Variants in USH2A observed in about 807,000 individuals in gnomAD.
USH2A encodes the protein Usher syndrome 2A (autosomal recessive, mild).
A neutral mutation model predicts 538.9 loss-of-function variants in USH2A; 443 were observed. The ratio of observed to expected loss-of-function variants is 0.82; its 90% CI spans 0.76 to 0.89. USH2A has a LOEUF of 0.89. Ranked by LOEUF, USH2A falls within the 40% of genes least tolerant of loss-of-function variation. USH2A has a pLI of 0.00. For synonymous variants in USH2A, 2,413 were observed against 2,273.5 expected (o/e 1.06, Z -1.75); for missense variants, 6,633 against 6,324.8 (o/e 1.05, Z -1.65).
intron 6 of USH2A, 96 bp from the exon 7 acceptor site, chr1:216,324,448 C>T: frequency 8.6e-7 from 1 of 1,166,584 alleles, no homozygotes; most frequent in Non-Finnish European, 1.2e-6. Flanking sequence ...TATATTGGCT[C>T]ACTTCATCAT....
rs559173625 is a variant in USH2A, at chr1:215,676,343, A to C, written c.12295-727T>G. 9.0e-3 allele frequency among the ~76,000 whole-genome samples: 1,370 copies of C among 152,296 alleles called. 26 individuals carry two copies. Among genetic ancestry groups the C allele is most frequent in the Non-Finnish European group, 1.0e-2 (678 of 68,030 alleles). The stretch of plus-strand genomic sequence containing the variant: ...AATGCTTATTATACTGTACAAATGT[A>C]GAGCAAGTTTTCATTTTTTTTGAAA... On this transcript the variant is annotated intron_variant, in intron 62 of 71. Transcript: ENST00000307340.
intron 17 of USH2A, 58 bp downstream of exon 17, chr1:216,199,569 C>A (rs2034933209): frequency 3.1e-6 from 5 of 1,611,922 alleles, no homozygotes; most frequent in Non-Finnish European, 4.2e-6. Flanking sequence ...TGCACAATTA[C>A]AATAGATTCT....
intron 37 of USH2A, among the ~76,000 whole-genome samples, chr1:215,941,267 T>C (rs1666625635): frequency 6.6e-6 from 1 of 152,158 alleles, no homozygotes; most frequent in African/African-American, 2.4e-5. Context: ...ACATTTTATA[T>C]ATAAAGTTCA....
intron 21 of USH2A, among the ~76,000 whole-genome samples, chr1:216,168,762 C>T (rs1222342473): frequency 1.3e-5 from 2 of 152,012 alleles, no homozygotes; most frequent in Admixed American, 6.6e-5. Context: ...TTTTGCAGTC[C>T]CTTAACTCAT....
rs191145320 is a variant in USH2A at position 215,799,793 on chromosome 1, C to T, written c.9740-668G>A. On this transcript the variant is annotated intron_variant, in intron 49 of 71. Coordinates refer to ENST00000307340, the MANE Select transcript of USH2A (RefSeq NM_206933.4). ...TTGAGGCCAGGAGTTCAAGACCAGCCTGGCCAACATGGTGAAACCCCATCT... is the reference window on the plus strand; with the variant it reads ...TTGAGGCCAGGAGTTCAAGACCAGCTTGGCCAACATGGTGAAACCCCATCT... 9.3e-3 allele frequency among the ~76,000 whole-genome samples: 1,413 copies of T among 152,200 alleles called. 6 individuals carry two copies. Among genetic ancestry groups the T allele is most frequent in the Admixed American group, 0.017 (259 of 15,280 alleles).
intron 3 of USH2A, among the ~76,000 whole-genome samples, chr1:216,410,535 G>A (rs1049073019): frequency 6.6e-6 from 1 of 151,818 alleles, no homozygotes; most frequent in African/African-American, 2.4e-5. Context: ...AAGAAATAAT[G>A]CCTGCGCCCC....
rs895142169 is a variant in USH2A, at chr1:216,044,215, G to A, written c.6325+2216C>T. The stretch of plus-strand genomic sequence containing the variant: ...ATATAAAGGTAATCAGTAAGCATAC[G>A]GGGCATACCTGTGTCACACGTGGGG... On this transcript the variant is annotated intron_variant, in intron 32 of 71. Transcript: ENST00000307340. Among the ~76,000 whole-genome samples, 7 of 152,134 alleles carry A rather than the reference G, an allele frequency of 4.6e-5. No homozygotes were observed. In the South Asian group the frequency reaches 8.3e-4, roughly 18 times the overall value.
chr1:215,628,639 T>C (rs1400287187), intron 71 of USH2A, among the ~76,000 whole-genome samples, 175 bp downstream of exon 71: 4 of 152,236 alleles, frequency 2.6e-5, no homozygotes, highest in Non-Finnish European at 5.9e-5. Context: ...ACAAAGTTTC[T>C]ACCCTGCTTA....
intron 11 of USH2A, among the ~76,000 whole-genome samples, chr1:216,279,846 C>A (rs1287287685): frequency 6.6e-6 from 1 of 151,878 alleles, no homozygotes; most frequent in African/African-American, 2.4e-5. Flanking sequence ...ATGCTAGGGA[C>A]TTATGTTAGG....
At chr1:216,354,201 T>C (rs1262679225) in intron 4 of USH2A, among the ~76,000 whole-genome samples, 1 of 152,206 alleles carries the variant, frequency 6.6e-6, no homozygotes, top group African/African-American at 2.4e-5. Context: ...TTTTCTTTCC[T>C]ACTGCCCACC....
At chr1:216,396,713 T>G (rs1056348024) in intron 3 of USH2A, among the ~76,000 whole-genome samples, 6 of 152,078 alleles carry the variant, frequency 3.9e-5, no homozygotes, top group Non-Finnish European at 7.4e-5. Flanking sequence ...CATTCCTCAA[T>G]TCACACAAAA....
Position 216,364,451 on chromosome 1 carries a change from C to T in USH2A, c.784+502G>A, listed in dbSNP as rs77152873. ...AGATCCCAAAAGATCTATTATCCATCTGGAACCTGTAACTATGACTTTAAT... is the reference window on the plus strand; with the variant it reads ...AGATCCCAAAAGATCTATTATCCATTTGGAACCTGTAACTATGACTTTAAT... On this transcript the variant is annotated intron_variant, in intron 4 of 71. Transcript: ENST00000307340. 6.7e-3 allele frequency among the ~76,000 whole-genome samples: 1,023 copies of T among 152,304 alleles called. 5 individuals are homozygous for T. The highest frequency in any genetic ancestry group is 0.036 in the East Asian group (186 of 5,180).
rs772521341 is a variant in USH2A, at chr1:215,675,122, T to C, written c.12789A>G (p.Pro4263=). The change falls in exon 63 of 72, where the codon CCA becomes CCG. Residue 4263 remains proline, a synonymous_variant. Coordinates refer to ENST00000307340, the MANE Select transcript of USH2A (RefSeq NM_206933.4). ...ATATCACAGGTGGAGAGAGACCTTC[T>C]GGAGGTGCTTGCAATGTCCTCACCA... ...WNVVRTLQAP[P]EGLSPPVISY... The C allele has an allele frequency of 1.2e-6, 2 of 1,614,096 alleles. No individual in the cohort carries two copies. Among genetic ancestry groups the C allele is most frequent in the South Asian group, 2.2e-5 (2 of 91,084 alleles).
At chr1:216,105,727 G>C (rs1331407411) in intron 21 of USH2A, among the ~76,000 whole-genome samples, 4 of 151,728 alleles carry the variant, frequency 2.6e-5, no homozygotes, top group Non-Finnish European at 1.5e-5. Context: ...ACAATATTTT[G>C]TTTTTCATCC....
intron 30 of USH2A, among the ~76,000 whole-genome samples, chr1:216,051,171 C>A (rs1213397697): frequency 6.6e-6 from 1 of 152,054 alleles, no homozygotes; most frequent in Non-Finnish European, 1.5e-5. Context: ...CTTATTAAGC[C>A]TTATCTTTCA....
intron 43 of USH2A, among the ~76,000 whole-genome samples, chr1:215,867,828 T>A (rs994136410): frequency 6.6e-6 from 1 of 152,200 alleles, no homozygotes; most frequent in Non-Finnish European, 1.5e-5. Context: ...AAAACTGACA[T>A]GCTGATGTGA....
chr1:216,005,930 A>G (rs1200325149), intron 32 of USH2A, among the ~76,000 whole-genome samples: 3 of 151,472 alleles, frequency 2.0e-5, no homozygotes, highest in Non-Finnish European at 4.4e-5. Context: ...TGGAGAAAAA[A>G]TAGCCATAGT....
chr1:216,402,204 A>C (rs1028724402), intron 3 of USH2A, among the ~76,000 whole-genome samples: 6 of 152,140 alleles, frequency 3.9e-5, no homozygotes, highest in African/African-American at 1.4e-4. Context: ...ATTCACACTG[A>C]ATGTGTTCTC....
intron 21 of USH2A, among the ~76,000 whole-genome samples, chr1:216,156,284 CT>C (rs1403473601): frequency 2.9e-4 from 30 of 102,566 alleles, no homozygotes; most frequent in South Asian, 1.3e-3. Context: ...TTCTTTCTTT[CT>C]TTTTTTTTTC....
Sources: allele counts gnomAD v4.1 joint callset (sites outside exome capture counted in the v4.1 genomes callset), GRCh38; gene constraint gnomAD v4.1.1; transcripts MANE v1.5; gene names NCBI Gene and HGNC (gene_info 2026-07-23, HGNC 2026-07-21).